The following ZNF169 variants were observed in gnomAD, a reference collection of about 807,000 sequenced individuals.
ZNF169 encodes the protein zinc finger protein 169.
In ZNF169, 11 loss-of-function variants were observed where a neutral mutation model predicts 12.0. The observed-to-expected ratio is 0.92, with a 90% confidence interval of 0.58 to 1.52. ZNF169 has a LOEUF of 1.52. Ranked by LOEUF, ZNF169 falls within the 40% of genes most tolerant of loss-of-function variation. ZNF169 has a pLI of 0.00. For missense variants in ZNF169, 722 were observed against 744.0 expected, an observed-to-expected ratio of 0.97 and a Z score of 0.34; for synonymous variants, 302 against 286.5, an observed-to-expected ratio of 1.05 and a Z score of -0.55.
intron 4 of ZNF169, chr9:94,295,540 G>A (rs1397606591): frequency 3.3e-5 from 5 of 152,120 alleles, no homozygotes; most frequent in Non-Finnish European, 7.3e-5. Flanking sequence ...TCGCCTTACT[G>A]TAATCCTACC....
At chr9:94,277,469 A>G (rs900796358) in intron 1 of ZNF169, among the ~76,000 whole-genome samples, 8 of 152,232 alleles carry the variant, frequency 5.3e-5, no homozygotes, top group African/African-American at 1.9e-4. Flanking sequence ...AGGTATGGCA[A>G]GTAAATATAC....
At chr9:94,264,503 G>A (rs143848493) in intron 1 of ZNF169, among the ~76,000 whole-genome samples, 147 of 152,236 alleles carry the variant, frequency 9.7e-4, no homozygotes, top group African/African-American at 3.3e-3. Flanking sequence ...GTTATTTATC[G>A]TTTCTGGTGA....
chr9:94,268,803 T>A (rs143348171), intron 1 of ZNF169, among the ~76,000 whole-genome samples: 9 of 133,330 alleles, frequency 6.8e-5, no homozygotes, highest in Non-Finnish European at 1.3e-4. Context: ...AAAAAAAAAA[T>A]TTCCAAAGAC....
intron 2 of ZNF169, among the ~76,000 whole-genome samples, chr9:94,280,468 A>G (rs943035437): frequency 6.6e-6 from 1 of 152,154 alleles, no homozygotes; most frequent in Non-Finnish European, 1.5e-5. Context: ...TCTGTGACCA[A>G]CTTCTCTCAA....
rs760747908 is a variant in ZNF169 at position 94,300,413 on chromosome 9, G to A, written c.855G>A (p.Ser285=). The change falls in exon 5 of 5, where the codon TCG becomes TCA. Residue 285 remains serine (S), a synonymous_variant. Transcript: ENST00000395395. ...TCTCCATACACCAGAGGAAGCACTCGGGGGAGAAGCCGTATGTGTGCAGGG... is the reference window on the plus strand; with the variant it reads ...TCTCCATACACCAGAGGAAGCACTCAGGGGAGAAGCCGTATGTGTGCAGGG... ...ASLSIHQRKH[S]GEKPYVCREC... 42 of 1,612,666 alleles carry A rather than the reference G, an allele frequency of 2.6e-5. No individual in the cohort carries two copies. The highest frequency in any genetic ancestry group is 3.3e-4 in the Middle Eastern group (2 of 6,068).
chr9:94,269,552 C>T (rs1041380015), intron 1 of ZNF169, among the ~76,000 whole-genome samples: 20 of 152,140 alleles, frequency 1.3e-4, no homozygotes, highest in Admixed American at 7.2e-4. Context: ...CCACTGAAAG[C>T]GGCACTCTCC....
At position 94,299,942 on chromosome 9, in the gene ZNF169, C is replaced by A. The variant is rs1293646516; in HGVS notation, c.384C>A (p.Asp128Glu). ...QIFPSSSAGG[D>E]FQLEAPRCSS... ...TCCCAAGCTCATCTGCAGGAGGTGA[C>A]TTCCAACTAGAAGCTCCAAGATGCT... Residue 128 changes from aspartate (D) to glutamate (E), a missense_variant, in exon 5 of 5, where the codon GAC (aspartate) becomes GAA (glutamate). Transcript: ENST00000395395. The A allele has an allele frequency of 6.2e-7, 1 of 1,614,014 alleles. No individual in the cohort carries two copies. Among genetic ancestry groups the A allele is most frequent in the Non-Finnish European group, 8.5e-7 (1 of 1,180,044 alleles).
chr9:94,275,298 T>C (rs1587674942), intron 1 of ZNF169, among the ~76,000 whole-genome samples: 1 of 152,344 alleles, frequency 6.6e-6, no homozygotes, highest in East Asian at 1.9e-4. Context: ...CATACCATTA[T>C]AACGTCGAAA....
chr9:94,267,370 A>G (rs1037985206), intron 1 of ZNF169, among the ~76,000 whole-genome samples: 12 of 152,200 alleles, frequency 7.9e-5, no homozygotes, highest in Non-Finnish European at 1.6e-4. Flanking sequence ...TCCTTAAAGG[A>G]GAGCACACCA....
chr9:94,265,020 TG>T (rs1337640395), intron 1 of ZNF169, among the ~76,000 whole-genome samples: 7 of 97,494 alleles, frequency 7.2e-5, no homozygotes, highest in Non-Finnish European at 1.1e-4. Context: ...TTCTGTACCC[TG>T]TTTTTTTTTT....
chr9:94,270,358 T>C (rs1313636030), intron 1 of ZNF169, among the ~76,000 whole-genome samples: 1 of 151,876 alleles, frequency 6.6e-6, no homozygotes, highest in Non-Finnish European at 1.5e-5. Flanking sequence ...TCTTTTCTAC[T>C]CTTTCTTCAC....
intron 1 of ZNF169, among the ~76,000 whole-genome samples, chr9:94,269,112 G>C (rs1015387328): frequency 6.6e-6 from 1 of 151,888 alleles, no homozygotes; most frequent in African/African-American, 2.4e-5. Flanking sequence ...CAGCAGGAAT[G>C]AACCCAATAC....
At chr9:94,278,562 A>T (rs1266199666) in intron 1 of ZNF169, among the ~76,000 whole-genome samples, 196 bp from the exon 2 acceptor site, 2 of 152,180 alleles carry the variant, frequency 1.3e-5, no homozygotes, top group Non-Finnish European at 2.9e-5. Flanking sequence ...TAGAGTTTGG[A>T]TGTAAGCCTG....
chr9:94,275,294 A>G (rs1286439646), intron 1 of ZNF169, among the ~76,000 whole-genome samples: 1 of 152,200 alleles, frequency 6.6e-6, no homozygotes, highest in Non-Finnish European at 1.5e-5. Context: ...CTTTCATACC[A>G]TTATAACGTC....
intron 2 of ZNF169, among the ~76,000 whole-genome samples, chr9:94,291,029 G>T (rs1278362351): frequency 2.1e-5 from 3 of 141,068 alleles, no homozygotes; most frequent in Admixed American, 1.5e-4. Flanking sequence ...CTCTGATTCT[G>T]GTCTATGGAA....
At chr9:94,273,133 C>T (rs774772793) in intron 1 of ZNF169, among the ~76,000 whole-genome samples, 4 of 152,108 alleles carry the variant, frequency 2.6e-5, no homozygotes, top group East Asian at 1.9e-4. Context: ...TTATTTGATA[C>T]ATGGTTTGCA....
intron 1 of ZNF169, among the ~76,000 whole-genome samples, chr9:94,271,562 A>G (rs1830423354): frequency 6.6e-6 from 1 of 151,968 alleles, no homozygotes; most frequent in African/African-American, 2.4e-5. Flanking sequence ...TCTACTAAAA[A>G]TACAAAAATT....
intron 1 of ZNF169, among the ~76,000 whole-genome samples, chr9:94,267,925 G>C (rs1282210318): frequency 7.1e-6 from 1 of 140,338 alleles, no homozygotes; most frequent in Non-Finnish European, 1.5e-5. Flanking sequence ...GAGTGCAATG[G>C]TGTGATCTCA....
At chr9:94,288,322 G>C (rs1292850038) in intron 2 of ZNF169, 71 of 928,268 alleles carry the variant, frequency 7.6e-5, no homozygotes, top group East Asian at 2.5e-5. Flanking sequence ...TGTGTTGTCG[G>C]TGTTCTATTT....
Sources: allele counts gnomAD v4.1 joint callset (sites outside exome capture counted in the v4.1 genomes callset), GRCh38; gene constraint gnomAD v4.1.1; transcripts MANE v1.5; gene names NCBI Gene and HGNC (gene_info 2026-07-23, HGNC 2026-07-21).